The following CTDSP2 variants were observed in gnomAD, a reference collection of about 807,000 sequenced individuals.
The protein encoded by CTDSP2 is carboxy-terminal domain RNA polymerase II polypeptide A small phosphatase 2.
CTDSP2 carries 9 observed loss-of-function variants against 31.6 expected under a neutral mutation model. That is an observed-to-expected ratio of 0.28 (90% CI 0.17 to 0.50). CTDSP2 has a LOEUF of 0.50. Ranked by LOEUF, CTDSP2 falls within the 20% of genes least tolerant of loss-of-function variation. The probability of loss-of-function intolerance (pLI) is 0.98; values close to 1 mark genes in which losing one functional copy is unlikely to be tolerated. For missense variants in CTDSP2, 267 were observed against 348.5 expected (o/e 0.77, Z 1.86); for synonymous variants, 134 against 134.5 (o/e 1.00, Z 0.03).
At chr12:57,833,276 TG>T (rs1357606413) in intron 1 of CTDSP2, among the ~76,000 whole-genome samples, 5 of 152,106 alleles carry the variant, frequency 3.3e-5, no homozygotes, top group Non-Finnish European at 5.9e-5. Flanking sequence ...CAGTCCTAGA[TG>T]GGGAGGGAGC....
In CTDSP2 at chr12:57,825,930, G is replaced by A. The variant is rs111857325; in HGVS notation, c.411+416C>T. ...GAAAATGGTTACTACTGATTTCCCT[G>A]CCTGTTACAGGCAAAGAGATACCTG... On this transcript the variant is annotated intron_variant, in intron 5 of 7. Transcript: ENST00000398073. Among the ~76,000 whole-genome samples, 789 of 152,276 alleles carry A rather than the reference G, an allele frequency of 5.2e-3. 4 individuals are homozygous for A. Among genetic ancestry groups the A allele is most frequent in the Non-Finnish European group, 8.3e-3 (564 of 68,016 alleles).
chr12:57,831,164 A>G (rs574772450), intron 1 of CTDSP2, among the ~76,000 whole-genome samples: 80 of 151,662 alleles, frequency 5.3e-4, no homozygotes, highest in African/African-American at 1.6e-3. Flanking sequence ...GGACTTAAGA[A>G]TATCTTTTGT....
rs1956170562 is a variant in CTDSP2 at position 57,824,516 on chromosome 12, C to T, written c.412-197G>A. 19 of 664,244 alleles carry T rather than the reference C, an allele frequency of 2.9e-5. No individual in the cohort carries two copies. In the Admixed American group the frequency reaches 3.7e-4, roughly 13 times the overall value. 41.1% of individuals were successfully genotyped at this position (664,244 alleles called of 1,614,324 possible). ...CTGGCTGTACCCCTCACCAGGCTTC[C>T]AATGGATCAGTGGTCCCAACCTCAA... On this transcript the variant is annotated intron_variant, in intron 5 of 7. Coordinates refer to ENST00000398073, the MANE Select transcript of CTDSP2 (RefSeq NM_005730.4).
At chr12:57,839,147 G>A (rs1956265775) in intron 1 of CTDSP2, among the ~76,000 whole-genome samples, 1 of 152,140 alleles carries the variant, frequency 6.6e-6, no homozygotes, top group Non-Finnish European at 1.5e-5. Flanking sequence ...CCATCTCCAG[G>A]GACATTCTGC....
chr12:57,840,863 A>T (rs1389641868), intron 1 of CTDSP2, among the ~76,000 whole-genome samples: 1 of 152,110 alleles, frequency 6.6e-6, no homozygotes, highest in Non-Finnish European at 1.5e-5. Flanking sequence ...GCTAACATAA[A>T]ACAGGGCATA....
intron 4 of CTDSP2, 55 bp from the exon 5 acceptor site, chr12:57,826,457 C>T (rs1956183781): frequency 1.3e-6 from 2 of 1,542,020 alleles, no homozygotes; most frequent in Non-Finnish European, 1.8e-6. Context: ...ACATGAGGCC[C>T]CCACCATACC....
Position 57,821,250 on chromosome 12 carries a change from G to C in CTDSP2, c.*2352C>G, listed in dbSNP as rs768852733. On this transcript the variant is annotated 3_prime_UTR_variant, in exon 8 of 8. Transcript: ENST00000398073. ...CAAGTGGGAATGGCATTGTTGGGGG[G>C]GAGTTGCAGGTGGGCAGGCAGGGTT... The C allele has an allele frequency of 6.6e-6, 1 of 152,314 alleles. No individual in the cohort carries two copies. Among genetic ancestry groups the C allele is most frequent in the African/African-American group, 2.4e-5 (1 of 41,420 alleles). 9.4% of individuals were successfully genotyped at this position (152,314 alleles called of 1,614,324 possible).
At chr12:57,827,665 T>C in intron 2 of CTDSP2, 75 bp from the exon 3 acceptor site, 2 of 1,477,566 alleles carry the variant, frequency 1.4e-6, no homozygotes, top group Non-Finnish European at 1.9e-6. Context: ...GCTTCTGTCT[T>C]AAGCCTGGAG....
At position 57,821,338 on chromosome 12, in the gene CTDSP2, A is replaced by T. The variant is rs1411313600; in HGVS notation, c.*2264T>A. 2.6e-5 allele frequency: 4 copies of T among 152,376 alleles called. No homozygotes were observed. Among genetic ancestry groups the T allele is most frequent in the African/African-American group, 9.7e-5 (4 of 41,434 alleles). 9.4% of individuals were successfully genotyped at this position (152,376 alleles called of 1,614,324 possible). A position where few individuals can be genotyped will look rare whatever the true frequency, so the allele number is the denominator to read the frequency against. On this transcript the variant is annotated 3_prime_UTR_variant, in exon 8 of 8. Transcript: ENST00000398073. ...CAGATGCAGCAGGGACACTCCCACC[A>T]AGCCATCCTGGGCTTTGGTCATGGG... is the stretch of plus-strand genomic sequence containing the variant.
Position 57,824,276 on chromosome 12 carries a change from C to T in CTDSP2, c.455G>A (p.Arg152His), listed in dbSNP as rs1270875191. 2.5e-6 allele frequency: 4 copies of T among 1,614,088 alleles called. No individual in the cohort carries two copies. Among genetic ancestry groups the T allele is most frequent in the East Asian group, 2.2e-5 (1 of 44,888 alleles). ...AACACATTCAAAGAGTTCCCCCATG[C>T]GTCTCAGGAACTCATCCACATAAGG... ...KRPYVDEFLR[R>H]MGELFECVLF... Residue 152 changes from arginine (R) to histidine (H), a missense_variant, in exon 6 of 8, where the codon CGC becomes CAC. This residue lies in a region of CTDSP2 where 156 missense variants were observed against 241.3 expected (regional missense o/e 0.65). Transcript: ENST00000398073.
intron 1 of CTDSP2, among the ~76,000 whole-genome samples, chr12:57,840,223 G>T (rs576005664): frequency 1.3e-5 from 2 of 152,154 alleles, no homozygotes; most frequent in Non-Finnish European, 2.9e-5. Context: ...GATCCCAGGT[G>T]GGGGGTCTGT....
intron 7 of CTDSP2, 22 bp from the exon 8 acceptor site, chr12:57,823,749 G>A (rs756973234): frequency 4.3e-6 from 7 of 1,613,304 alleles, no homozygotes; most frequent in Admixed American, 3.3e-5. Flanking sequence ...AAGATGTGGT[G>A]TCAATCTCCC....
intron 1 of CTDSP2, among the ~76,000 whole-genome samples, chr12:57,832,522 T>G (rs1056675911): frequency 6.6e-6 from 1 of 151,888 alleles, no homozygotes; most frequent in Non-Finnish European, 1.5e-5. Context: ...GCGGTCGTGG[T>G]GGCTCACACC....
intron 1 of CTDSP2, among the ~76,000 whole-genome samples, chr12:57,835,269 G>C (rs1271492559): frequency 6.6e-6 from 1 of 151,880 alleles, no homozygotes; most frequent in Admixed American, 6.6e-5. Flanking sequence ...CGGAGGCTGC[G>C]GTGAGCCAAG....
chr12:57,828,526 TG>T lies in CTDSP2; in HGVS notation c.213+921del, dbSNP rs1956197176. ...ATAAACAATGTGGCATTCAGTGTACTGCCTTCAAATCTGTGTCCGCAGACTT... is the reference window on the plus strand; with the variant it reads ...ATAAACAATGTGGCATTCAGTGTACTCCTTCAAATCTGTGTCCGCAGACTT... On this transcript the variant is annotated intron_variant, in intron 2 of 7. Coordinates refer to ENST00000398073, the MANE Select transcript of CTDSP2 (RefSeq NM_005730.4). Among the ~76,000 whole-genome samples, 4 of 152,240 alleles carry T rather than the reference TG, an allele frequency of 2.6e-5. No homozygotes were observed. The South Asian group carries it at 8.3e-4, about 31-fold the overall frequency.
intron 1 of CTDSP2, among the ~76,000 whole-genome samples, chr12:57,830,739 T>C (rs985395333): frequency 2.0e-5 from 3 of 152,190 alleles, no homozygotes; most frequent in African/African-American, 7.2e-5. Flanking sequence ...AAAGTCATTT[T>C]ATTTTTATTG....
chr12:57,827,410 C>G (rs1956189594), intron 3 of CTDSP2, 142 bp downstream of exon 3: 1 of 880,866 alleles, frequency 1.1e-6, no homozygotes, highest in Non-Finnish European at 1.8e-6. Flanking sequence ...AGGCCCTCAA[C>G]AAGTATGGGG....
intron 1 of CTDSP2, among the ~76,000 whole-genome samples, chr12:57,841,186 G>T (rs149319126): frequency 4.5e-4 from 69 of 152,308 alleles, no homozygotes; most frequent in African/African-American, 1.3e-3. Context: ...CCAAAGACAA[G>T]CGAGTTAATT....
intron 2 of CTDSP2, among the ~76,000 whole-genome samples, chr12:57,828,194 C>T (rs568307480): frequency 2.3e-3 from 344 of 152,122 alleles, no homozygotes; most frequent in Non-Finnish European, 3.6e-3. Context: ...CCGAGGCGCG[C>T]GGATCACCTG....
Sources: allele counts gnomAD v4.1 joint callset (sites outside exome capture counted in the v4.1 genomes callset), GRCh38; gene constraint gnomAD v4.1.1; regional missense constraint gnomAD v4.1.1; transcripts MANE v1.5; gene names NCBI Gene and HGNC (gene_info 2026-07-23, HGNC 2026-07-21).